GRIP1: variants seen among roughly 807,000 people sequenced by gnomAD.
GRIP1 encodes glutamate receptor-interacting protein 1.
GRIP1 carries 45 observed loss-of-function variants against 129.9 expected under a neutral mutation model. The observed-to-expected ratio is 0.35, with a 90% CI of 0.27 to 0.44. The LOEUF is 0.44. Among genes scored for constraint, GRIP1 ranks in the 20% least tolerant of loss-of-function variants. The pLI is 1.00. For missense variants in GRIP1, 1,196 were observed against 1,396.8 expected (o/e 0.86, Z 2.29); for synonymous variants, 530 against 520.8 (o/e 1.02, Z -0.24).
intron 1 of GRIP1, among the ~76,000 whole-genome samples, chr12:66,673,569 A>T (rs2034182314): frequency 6.6e-6 from 1 of 152,214 alleles, no homozygotes; most frequent in African/African-American, 2.4e-5. Context: ...TCCAATTCCC[A>T]TTTGGAAGAC....
chr12:66,395,159 T>C (rs2056742025), intron 16 of GRIP1, among the ~76,000 whole-genome samples: 3 of 152,232 alleles, frequency 2.0e-5, no homozygotes, highest in African/African-American at 4.8e-5. Flanking sequence ...AAAGATATCA[T>C]GGGCCGCCTT....
chr12:66,489,249 C>T (rs987027120), intron 7 of GRIP1, among the ~76,000 whole-genome samples: 2 of 152,110 alleles, frequency 1.3e-5, no homozygotes, highest in African/African-American at 4.8e-5. Context: ...AAACCAAATC[C>T]AGCAGCACAC....
intron 1 of GRIP1, among the ~76,000 whole-genome samples, chr12:66,708,405 AT>A (rs2035607297): frequency 6.6e-6 from 1 of 152,040 alleles, no homozygotes; most frequent in Non-Finnish European, 1.5e-5. Flanking sequence ...AAGGCTGTTA[AT>A]TCAAGGTGAT....
chr12:66,377,354 GTCTC>G lies in GRIP1; in HGVS notation c.2622-73_2622-70del, dbSNP rs528493947. ...TTTTTTTTTTTTTTTTTGAGACGGA[GTCTC>G]TCTCTGTCGCCCAGGCTGGAGTGCA... On this transcript the variant is annotated intron_variant, in intron 20 of 24. Coordinates refer to ENST00000359742, the MANE Select transcript of GRIP1 (RefSeq NM_001366722.1). 15 of 984,114 alleles carry G rather than the reference GTCTC, an allele frequency of 1.5e-5. 1 individual carries two copies. Among genetic ancestry groups the G allele is most frequent in the Middle Eastern group, 6.0e-4 (2 of 3,360 alleles). The allele number at this position is 984,114 out of a possible 1,614,324, so 61.0% of individuals were successfully genotyped here.
chr12:66,624,160 G>A (rs2139991354), intron 1 of GRIP1, among the ~76,000 whole-genome samples: 1 of 152,202 alleles, frequency 6.6e-6, no homozygotes, highest in Admixed American at 6.5e-5. Flanking sequence ...ACATTCCTCT[G>A]ATTTTGAATA....
At chr12:66,506,410 A>T (rs1174047710) in intron 7 of GRIP1, among the ~76,000 whole-genome samples, 1 of 152,214 alleles carries the variant, frequency 6.6e-6, no homozygotes, top group African/African-American at 2.4e-5. Context: ...TCACAAACAT[A>T]ATTTGGGCAA....
chr12:66,462,779 G>C, intron 9 of GRIP1, 145 bp downstream of exon 9: 1 of 610,278 alleles, frequency 1.6e-6, no homozygotes, highest in Non-Finnish European at 2.9e-6. Flanking sequence ...TCCAGTCTGG[G>C]GGACAGAGTG....
intron 1 of GRIP1, among the ~76,000 whole-genome samples, chr12:66,993,052 T>C (rs2042417465): frequency 6.6e-6 from 1 of 151,672 alleles, no homozygotes; most frequent in Non-Finnish European, 1.5e-5. Flanking sequence ...AGGCGGACAT[T>C]GCAGTGAGCT....
chr12:66,575,030 C>T (rs1396940041), intron 2 of GRIP1, among the ~76,000 whole-genome samples: 4 of 152,072 alleles, frequency 2.6e-5, no homozygotes, highest in South Asian at 2.1e-4. Flanking sequence ...CCTCAGCCTC[C>T]GAAAGTATTG....
chr12:66,977,106 C>T (rs191502120), intron 1 of GRIP1, among the ~76,000 whole-genome samples: 2 of 152,062 alleles, frequency 1.3e-5, no homozygotes, highest in East Asian at 3.9e-4. Context: ...ATGGATAGCT[C>T]CCAGAGAAAG....
chr12:66,484,343 C>A (rs1024523035), intron 7 of GRIP1, among the ~76,000 whole-genome samples: 1 of 152,270 alleles, frequency 6.6e-6, no homozygotes, highest in East Asian at 1.9e-4. Flanking sequence ...TGCTATAATT[C>A]ATCCATTCTA....
intron 2 of GRIP1, among the ~76,000 whole-genome samples, chr12:66,581,844 T>C (rs139508265): frequency 0.24 from 37,156 of 151,658 alleles, 4,695 homozygotes; most frequent in Admixed American, 0.28. Flanking sequence ...GAACTGGTAC[T>C]ATTCCTTCTG....
chr12:66,478,991 C>T (rs2059714252), intron 7 of GRIP1, among the ~76,000 whole-genome samples: 1 of 151,316 alleles, frequency 6.6e-6, no homozygotes, highest in Non-Finnish European at 1.5e-5. Flanking sequence ...AACAAACCTG[C>T]ACGTTGTGCA....
At chr12:66,926,047 A>T (rs1324508467) in intron 1 of GRIP1, among the ~76,000 whole-genome samples, 1 of 152,240 alleles carries the variant, frequency 6.6e-6, no homozygotes, top group Admixed American at 6.5e-5. Context: ...TTAATCCAAG[A>T]CTAATGATAA....
chr12:66,441,305 C>G (rs919828325), intron 13 of GRIP1, among the ~76,000 whole-genome samples: 1 of 152,152 alleles, frequency 6.6e-6, no homozygotes, highest in African/African-American at 2.4e-5. Context: ...CAAGGTACAC[C>G]TTCATCGCCT....
chr12:67,068,537 T>C (rs1181867230), intron 1 of GRIP1, among the ~76,000 whole-genome samples: 1 of 152,000 alleles, frequency 6.6e-6, no homozygotes, highest in Non-Finnish European at 1.5e-5. Context: ...TTCCTTCTCC[T>C]CTTCCTTCTT....
At chr12:66,529,299 G>A (rs1321468927) in intron 5 of GRIP1, among the ~76,000 whole-genome samples, 1 of 152,142 alleles carries the variant, frequency 6.6e-6, no homozygotes, top group Admixed American at 6.6e-5. Flanking sequence ...ATATCTACCA[G>A]AGGAAAAGAA....
At chr12:66,682,673 G>A (rs779344107), upstream of GRIP1, among the ~76,000 whole-genome samples, 44 of 152,018 alleles carry the variant, frequency 2.9e-4, no homozygotes, top group African/African-American at 5.8e-4. Context: ...AATAAATAGC[G>A]CTGTTTGGAG....
intron 7 of GRIP1, among the ~76,000 whole-genome samples, chr12:66,490,669 GA>G (rs1280414385): frequency 6.6e-6 from 1 of 152,090 alleles, no homozygotes; most frequent in African/African-American, 2.4e-5. Context: ...TCATCAGAGT[GA>G]AAAGACAACC....
Sources: allele counts gnomAD v4.1 joint callset (sites outside exome capture counted in the v4.1 genomes callset), GRCh38; gene constraint gnomAD v4.1.1; transcripts MANE v1.5; gene names NCBI Gene and HGNC (gene_info 2026-07-23, HGNC 2026-07-21).